Variants in KCNMB2 observed in about 807,000 individuals in gnomAD.
The protein encoded by KCNMB2 is calcium-activated potassium channel subunit beta-2.
KCNMB2 carries 9 observed loss-of-function variants against 24.5 expected under a neutral mutation model. The observed-to-expected ratio is 0.37, with a 90% CI of 0.22 to 0.64. The LOEUF (loss-of-function observed/expected upper bound fraction) is 0.64, where lower values mean the gene tolerates loss of function less well. Among genes scored for constraint, KCNMB2 ranks in the 30% least tolerant of loss-of-function variants. KCNMB2 has a pLI of 0.63. For missense variants in KCNMB2, 226 were observed against 284.3 expected (o/e 0.79, Z 1.47); for synonymous variants, 109 against 104.4 (o/e 1.04, Z -0.27).
chr3:178,638,103 G>C (rs1383859421), intron 1 of KCNMB2, among the ~76,000 whole-genome samples: 1 of 152,058 alleles, frequency 6.6e-6, no homozygotes, highest in Non-Finnish European at 1.5e-5. Flanking sequence ...CCTCTCTGTG[G>C]ATTTCCACAA....
chr3:178,549,474 C>CT (rs1237618463), intron 1 of KCNMB2, among the ~76,000 whole-genome samples: 3,506 of 94,626 alleles, frequency 0.037, 186 homozygotes, highest in African/African-American at 0.084. Context: ...CAATGCCCAG[C>CT]TTTTTTTTTT....
intron 1 of KCNMB2, among the ~76,000 whole-genome samples, chr3:178,753,524 G>C (rs1723919362): frequency 6.6e-6 from 1 of 152,146 alleles, no homozygotes; most frequent in Non-Finnish European, 1.5e-5. Context: ...TCAGTATGCT[G>C]TCATTACTTT....
chr3:178,586,736 G>A (rs1717453598), intron 1 of KCNMB2, among the ~76,000 whole-genome samples: 1 of 151,270 alleles, frequency 6.6e-6, no homozygotes, highest in African/African-American at 2.4e-5. Context: ...GTAGAGACAG[G>A]GTTTCACCGT....
At chr3:178,702,132 G>A (rs954469979) in intron 1 of KCNMB2, among the ~76,000 whole-genome samples, 4 of 151,952 alleles carry the variant, frequency 2.6e-5, no homozygotes, top group Admixed American at 1.3e-4. Flanking sequence ...GTCCTTTGTA[G>A]GGGCATGGAT....
chr3:178,791,382 GAATA>G (rs1407902928), intron 1 of KCNMB2, among the ~76,000 whole-genome samples: 8 of 152,206 alleles, frequency 5.3e-5, no homozygotes, highest in African/African-American at 1.9e-4. Flanking sequence ...TAATGAAGCA[GAATA>G]AATAATTAGT....
At position 178,679,028 on chromosome 3, in the gene KCNMB2, T is replaced by TTG. The variant is rs367648980; in HGVS notation, c.-67-128314_-67-128313insGT. ...CATTGTTGTTCATTTATCAGTTTTT[T>TTG]TTTGTTTGTTTGTTTTTTGTTTTGT... is the stretch of plus-strand genomic sequence containing the variant. On this transcript the variant is annotated intron_variant, in intron 1 of 4. Transcript: ENST00000452583. Among the ~76,000 whole-genome samples, 252 of 147,298 alleles carry TTG rather than the reference T, an allele frequency of 1.7e-3. 1 individual carries two copies. Among genetic ancestry groups the TTG allele is most frequent in the African/African-American group, 6.2e-3 (241 of 38,838 alleles).
chr3:178,598,420 GTTCACTCA>G (rs1351243949), intron 1 of KCNMB2, among the ~76,000 whole-genome samples: 3 of 152,064 alleles, frequency 2.0e-5, no homozygotes, highest in African/African-American at 7.2e-5. Context: ...TTATTTATTT[GTTCACTCA>G]TTCACTCATT....
Position 178,750,492 on chromosome 3 carries a change from T to C in KCNMB2, c.-67-56851T>C, listed in dbSNP as rs545441574. Among the ~76,000 whole-genome samples the C allele has an allele frequency of 2.6e-5, 4 of 152,336 alleles. No individual in the cohort carries two copies. In the South Asian group the frequency reaches 8.3e-4, roughly 32 times the overall value. ...GAAAGGCCAGTCAGACATTCTACTCTGAAGGCAGAATCCAACAGATCTGAT... is the reference window on the plus strand; with the variant it reads ...GAAAGGCCAGTCAGACATTCTACTCCGAAGGCAGAATCCAACAGATCTGAT... On this transcript the variant is annotated intron_variant, in intron 1 of 4. Transcript: ENST00000452583.
chr3:178,815,784 A>G (rs940175690), intron 2 of KCNMB2, among the ~76,000 whole-genome samples: 1 of 152,048 alleles, frequency 6.6e-6, no homozygotes, highest in Non-Finnish European at 1.5e-5. Flanking sequence ...TTATTACATT[A>G]TTATATGATT....
At chr3:178,568,332 C>T (rs1187730467) in intron 1 of KCNMB2, among the ~76,000 whole-genome samples, 1 of 152,166 alleles carries the variant, frequency 6.6e-6, no homozygotes, top group African/African-American at 2.4e-5. Flanking sequence ...CTGGGCCAGC[C>T]ACTACACCAC....
At chr3:178,691,727 T>C (rs1721685509) in intron 1 of KCNMB2, among the ~76,000 whole-genome samples, 1 of 151,750 alleles carries the variant, frequency 6.6e-6, no homozygotes, top group African/African-American at 2.4e-5. Context: ...TACGCATGCA[T>C]GTGTCTTTAT....
chr3:178,807,355 T>C lies in KCNMB2; in HGVS notation c.-55T>C. On this transcript the variant is annotated 5_prime_UTR_variant, in exon 2 of 5. Transcript: ENST00000452583. ...GTACCTCTTCTAGGTCTTTTTGCCA[T>C]TCCTCCAGGACATCCACCATAAGGA... 2 of 1,497,728 alleles carry C rather than the reference T, an allele frequency of 1.3e-6. No individual in the cohort carries two copies. Among genetic ancestry groups the C allele is most frequent in the Non-Finnish European group, 1.9e-6 (2 of 1,078,804 alleles). The allele number at this position is 1,497,728 out of a possible 1,614,324, so 92.8% of individuals were successfully genotyped here.
At chr3:178,595,537 C>A (rs1252452729) in intron 1 of KCNMB2, among the ~76,000 whole-genome samples, 1 of 152,048 alleles carries the variant, frequency 6.6e-6, no homozygotes, top group Non-Finnish European at 1.5e-5. Flanking sequence ...TCATGGGGGG[C>A]AGTTCCCCCA....
chr3:178,553,708 T>A (rs4857774), intron 1 of KCNMB2, among the ~76,000 whole-genome samples: 35,855 of 151,794 alleles, frequency 0.24, 4,972 homozygotes, highest in East Asian at 0.43. Context: ...CCCAGATAAT[T>A]TTTGTATTTT....
intron 1 of KCNMB2, among the ~76,000 whole-genome samples, chr3:178,669,277 C>T (rs1290638840): frequency 1.3e-5 from 2 of 151,958 alleles, no homozygotes; most frequent in Non-Finnish European, 2.9e-5. Flanking sequence ...TACTGCATTC[C>T]TAAAATAGCT....
chr3:178,803,679 C>T (rs367774390), intron 1 of KCNMB2, among the ~76,000 whole-genome samples: 1 of 152,138 alleles, frequency 6.6e-6, no homozygotes. Flanking sequence ...CTTGCCTTAG[C>T]AGAAGTAAGT....
chr3:178,687,895 T>A (rs540900484), intron 1 of KCNMB2, among the ~76,000 whole-genome samples: 1 of 152,238 alleles, frequency 6.6e-6, no homozygotes, highest in South Asian at 2.1e-4. Context: ...AAACTACAAA[T>A]GAATGTAACT....
intron 1 of KCNMB2, among the ~76,000 whole-genome samples, chr3:178,663,582 T>C (rs542048104): frequency 1.3e-5 from 2 of 152,244 alleles, no homozygotes; most frequent in South Asian, 4.1e-4. Context: ...CTTAGCAAAG[T>C]ACAAATTGAA....
intron 1 of KCNMB2, among the ~76,000 whole-genome samples, chr3:178,737,447 C>T (rs754192839): frequency 6.6e-6 from 1 of 152,134 alleles, no homozygotes; most frequent in African/African-American, 2.4e-5. Context: ...TCTCAAACTT[C>T]GTCCTTATTA....
Sources: allele counts gnomAD v4.1 joint callset (sites outside exome capture counted in the v4.1 genomes callset), GRCh38; gene constraint gnomAD v4.1.1; transcripts MANE v1.5; gene names NCBI Gene and HGNC (gene_info 2026-07-23, HGNC 2026-07-21).